Variants in CCDC93 observed in about 807,000 individuals in gnomAD.
The protein encoded by CCDC93 is CCC complex scaffolding subunit CCDC93.
A neutral mutation model predicts 108.2 loss-of-function variants in CCDC93; 61 were observed. The ratio of observed to expected loss-of-function variants is 0.56; its 90% CI spans 0.46 to 0.70. CCDC93 has a LOEUF of 0.70. Ranked by LOEUF, CCDC93 falls within the 30% of genes least tolerant of loss-of-function variation. CCDC93 has a pLI of 0.00. For synonymous variants in CCDC93, 276 were observed against 260.4 expected, an observed-to-expected ratio of 1.06 and a Z score of -0.58; for missense variants, 685 against 764.2, an observed-to-expected ratio of 0.90 and a Z score of 1.22.
intron 11 of CCDC93, among the ~76,000 whole-genome samples, chr2:117,960,262 GTC>G (rs1679345091): frequency 6.6e-6 from 1 of 152,148 alleles, no homozygotes. Context: ...CATACAGTAT[GTC>G]TCTATGTTTG....
intron 3 of CCDC93, among the ~76,000 whole-genome samples, chr2:118,004,667 AC>A (rs1321857549): frequency 6.6e-6 from 1 of 152,210 alleles, no homozygotes; most frequent in Admixed American, 6.5e-5. Context: ...TGTGGCTGTA[AC>A]ATGTCTTCTA....
intron 12 of CCDC93, among the ~76,000 whole-genome samples, chr2:117,956,415 T>C (rs1305498251): frequency 6.6e-6 from 1 of 152,156 alleles, no homozygotes; most frequent in Non-Finnish European, 1.5e-5. Context: ...AGGCTTAGTA[T>C]TGCTTCTCCC....
chr2:117,949,228 C>T, intron 14 of CCDC93, 94 bp downstream of exon 14: 1 of 845,862 alleles, frequency 1.2e-6, no homozygotes, highest in Non-Finnish European at 2.0e-6. Flanking sequence ...TAGCCTTTGG[C>T]TGCTTTGTTC....
chr2:117,918,210 T>C lies in CCDC93; in HGVS notation c.*2133A>G, dbSNP rs934918269. On this transcript the variant is annotated 3_prime_UTR_variant, in exon 24 of 24. Coordinates refer to ENST00000376300, the MANE Select transcript of CCDC93 (RefSeq NM_019044.5). ...AGAAAGGCACTGTCCACACTGAGAG[T>C]TGTCTGCAGCAAGTGTGAAATTTGA... is the stretch of plus-strand genomic sequence containing the variant. 11 of 151,882 alleles carry C rather than the reference T, an allele frequency of 7.2e-5. No individual in the cohort carries two copies. Among genetic ancestry groups the C allele is most frequent in the African/African-American group, 2.7e-4 (11 of 41,344 alleles). 9.4% of individuals were successfully genotyped at this position (151,882 alleles called of 1,614,324 possible).
intron 12 of CCDC93, among the ~76,000 whole-genome samples, chr2:117,953,408 G>A (rs1338688021): frequency 6.6e-6 from 1 of 152,148 alleles, no homozygotes; most frequent in Non-Finnish European, 1.5e-5. Context: ...GGGTTCTGGT[G>A]CCCCCCTTTT....
intron 23 of CCDC93, among the ~76,000 whole-genome samples, chr2:117,929,698 T>G (rs574116628): frequency 1.3e-5 from 2 of 152,308 alleles, no homozygotes; most frequent in South Asian, 4.1e-4. Flanking sequence ...AATTCCTAAT[T>G]GTTCCCTGCC....
intron 20 of CCDC93, among the ~76,000 whole-genome samples, chr2:117,937,688 A>G (rs958806459): frequency 2.0e-5 from 3 of 152,208 alleles, no homozygotes; most frequent in African/African-American, 7.2e-5. Flanking sequence ...GGGCTGGCCT[A>G]TCCCTAAGTC....
chr2:118,010,496 C>T (rs991049726), intron 1 of CCDC93, among the ~76,000 whole-genome samples: 4 of 152,166 alleles, frequency 2.6e-5, no homozygotes, highest in Admixed American at 2.0e-4. Context: ...CCCAACAATG[C>T]CTGTTAAGTC....
In CCDC93 at chr2:117,961,558, G is replaced by A. The variant is rs1402915845; in HGVS notation, c.889-3077C>T. On this transcript the variant is annotated intron_variant, in intron 11 of 23. Coordinates refer to ENST00000376300, the MANE Select transcript of CCDC93 (RefSeq NM_019044.5). ...TAACCTAGTAAACAGAAAGCTGACC[G>A]CTCTGTTTTTCAAACACACTTTTTA... Among the ~76,000 whole-genome samples the A allele has an allele frequency of 4.6e-5, 7 of 152,116 alleles. 1 individual carries two copies. In the South Asian group the frequency reaches 6.2e-4, roughly 14 times the overall value.
rs1428343767 is a variant in CCDC93 at position 118,006,786 on chromosome 2, T to C, written c.187A>G (p.Thr63Ala). Residue 63 changes from threonine to alanine, a missense_variant, in exon 3 of 24, where the codon ACT becomes GCT. By Grantham distance (58) the Thr-to-Ala change is moderately conservative. Coordinates refer to ENST00000376300, the MANE Select transcript of CCDC93 (RefSeq NM_019044.5). ...TCAACATCTACATCAAAGTTGCAAG[T>C]GGTGATACACCAAGTCATTCCTCCT... is the stretch of plus-strand genomic sequence containing the variant. Reference protein sequence around the residue: ...VVGGMTWCITTCNFDVDVDLL... With the variant: ...VVGGMTWCITACNFDVDVDLL... 6.2e-7 allele frequency: 1 copy of C among 1,611,546 alleles called. No individual in the cohort carries two copies. Among genetic ancestry groups the C allele is most frequent in the Non-Finnish European group, 8.5e-7 (1 of 1,177,638 alleles).
intron 3 of CCDC93, among the ~76,000 whole-genome samples, chr2:118,004,736 C>T (rs933499997): frequency 2.6e-5 from 4 of 152,148 alleles, no homozygotes; most frequent in African/African-American, 9.7e-5. Flanking sequence ...TCCTTAGTCA[C>T]GTAAACCCGT....
intron 19 of CCDC93, among the ~76,000 whole-genome samples, chr2:117,939,555 T>A (rs943947768): frequency 6.6e-6 from 1 of 152,208 alleles, no homozygotes; most frequent in African/African-American, 2.4e-5. Flanking sequence ...GGTATTATTA[T>A]TGCTAAAAGC....
intron 8 of CCDC93, 39 bp from the exon 9 acceptor site, chr2:117,975,319 T>C: frequency 3.5e-6 from 5 of 1,441,974 alleles, no homozygotes; most frequent in Non-Finnish European, 4.9e-6. Context: ...GCACGGGAGA[T>C]GGAGACTCAG....
intron 11 of CCDC93, among the ~76,000 whole-genome samples, chr2:117,969,726 C>T (rs115606960): frequency 9.2e-4 from 139 of 151,382 alleles, no homozygotes; most frequent in Middle Eastern, 6.8e-3. Context: ...TGGACGAAAA[C>T]ATAAACATTG....
intron 7 of CCDC93, among the ~76,000 whole-genome samples, chr2:117,981,460 G>A (rs1187833122): frequency 6.6e-6 from 1 of 152,174 alleles, no homozygotes; most frequent in Non-Finnish European, 1.5e-5. Context: ...AGTGCCGCAT[G>A]CTTCCATTTG....
At position 117,974,890 on chromosome 2, in the gene CCDC93, T is replaced by C; in HGVS notation, c.761A>G (p.Gln254Arg). The C allele has an allele frequency of 1.3e-6, 2 of 1,564,832 alleles. No individual in the cohort carries two copies. Among genetic ancestry groups the C allele is most frequent in the Non-Finnish European group, 1.7e-6 (2 of 1,153,812 alleles). The change falls in exon 10 of 24, where the codon CAG (glutamine) becomes CGG (arginine). Residue 254 changes from glutamine (Q) to arginine (R), a missense_variant. By Grantham distance (43) the Gln-to-Arg change is conservative (BLOSUM62 1). Transcript: ENST00000376300. ...AGCGGTCATCTTGGTCATCAGCGAC[T>C]GAATACGCTGCTGAAAGAGGAATGG... The part of the protein sequence containing the change: ...ELRAAEEQRI[Q>R]SLMTKMTAMA...
chr2:118,013,951 T>C lies in CCDC93; in HGVS notation c.42+3A>G, dbSNP rs370195920. 2.2e-5 allele frequency: 35 copies of C among 1,589,868 alleles called. No homozygotes were observed. The African/African-American group carries it at 4.5e-4, about 20-fold the overall frequency. Reference sequence around the variant, plus strand: ...GTGTCAGGGAAGGAGGAGGCGTTCTTACCTCCGGGAGACCCTGGCCCTCCG... The same window carrying C: ...GTGTCAGGGAAGGAGGAGGCGTTCTCACCTCCGGGAGACCCTGGCCCTCCG... On this transcript the variant is annotated splice_donor_region_variant and intron_variant, in intron 1 of 23. Coordinates refer to ENST00000376300, the MANE Select transcript of CCDC93 (RefSeq NM_019044.5).
chr2:117,943,078 A>G (rs1261088966), intron 18 of CCDC93, among the ~76,000 whole-genome samples: 3 of 152,206 alleles, frequency 2.0e-5, no homozygotes, highest in African/African-American at 7.2e-5. Context: ...ATTTCCATGC[A>G]TTCTACAGCC....
At chr2:117,997,568 G>A (rs1382788142) in intron 4 of CCDC93, 1 of 152,232 alleles carries the variant, frequency 6.6e-6, no homozygotes, top group Non-Finnish European at 1.5e-5. Context: ...GCCAGCTCAA[G>A]TAAAGCACAT....
Sources: gnomAD v4.1 joint callset for allele counts (sites outside exome capture counted in the v4.1 genomes callset) on GRCh38, gnomAD v4.1.1 for gene constraint, MANE v1.5 for transcripts, NCBI Gene and HGNC (gene_info 2026-07-23, HGNC 2026-07-21) for gene names.